Variants in SGCZ observed in about 807,000 individuals in gnomAD.
SGCZ encodes sarcoglycan zeta, also known as zeta-sarcoglycan.
In SGCZ, 40 loss-of-function variants were observed where a neutral mutation model predicts 41.3. The ratio of observed to expected loss-of-function variants is 0.97; its 90% CI spans 0.75 to 1.26. The LOEUF (loss-of-function observed/expected upper bound fraction) is 1.26. Among genes scored for constraint, SGCZ ranks in the 50% most tolerant of loss-of-function variants. The probability of loss-of-function intolerance (pLI) is 0.00; values close to 1 mark genes in which losing one functional copy is unlikely to be tolerated. For missense variants in SGCZ, 552 were observed against 369.8 expected, an observed-to-expected ratio of 1.49 and a Z score of -4.04; for synonymous variants, 206 against 137.5, an observed-to-expected ratio of 1.50 and a Z score of -3.49.
In SGCZ at chr8:14,210,195, A is replaced by T. The variant is rs374663363; in HGVS notation, c.424+27397T>A. Among the ~76,000 whole-genome samples, 13 of 151,756 alleles carry T rather than the reference A, an allele frequency of 8.6e-5. No homozygotes were observed. The East Asian group carries it at 2.5e-3, about 30-fold the overall frequency. ...GCCTCAGCCTCCCAAGTAGCTGGGAATACAGGTGCACACTACTACCGTCTA... is the reference window on the plus strand; with the variant it reads ...GCCTCAGCCTCCCAAGTAGCTGGGATTACAGGTGCACACTACTACCGTCTA... On this transcript the variant is annotated intron_variant, in intron 4 of 7. Transcript: ENST00000382080.
intron 2 of SGCZ, among the ~76,000 whole-genome samples, chr8:14,396,154 T>A (rs28570369): frequency 0.17 from 25,526 of 152,028 alleles, 5,081 homozygotes; most frequent in African/African-American, 0.48. Context: ...TAATACTCTT[T>A]AGATATGACT....
intron 1 of SGCZ, among the ~76,000 whole-genome samples, chr8:14,774,041 G>A (rs1282011256): frequency 6.6e-6 from 1 of 152,164 alleles, no homozygotes; most frequent in East Asian, 1.9e-4. Flanking sequence ...ATGCAGTCAA[G>A]CATTATTCCG....
At chr8:14,451,175 T>A (rs1039446479) in intron 2 of SGCZ, among the ~76,000 whole-genome samples, 8 of 152,204 alleles carry the variant, frequency 5.3e-5, no homozygotes, top group African/African-American at 1.9e-4. Context: ...CCTCTCTCTT[T>A]TCTGCTAACC....
chr8:14,161,229 T>G (rs2116976580), intron 5 of SGCZ: 1 of 152,344 alleles, frequency 6.6e-6, no homozygotes, highest in Non-Finnish European at 1.5e-5. Flanking sequence ...CTACGCACAT[T>G]TTTTTCCTCT....
intron 2 of SGCZ, among the ~76,000 whole-genome samples, chr8:14,552,428 T>C (rs1039735268): frequency 1.3e-5 from 2 of 152,064 alleles, no homozygotes; most frequent in East Asian, 1.9e-4. Context: ...TTCAGCTACA[T>C]GCAAATAGTT....
chr8:14,367,111 C>T (rs982854084), intron 2 of SGCZ, among the ~76,000 whole-genome samples: 21 of 151,966 alleles, frequency 1.4e-4, no homozygotes, highest in Admixed American at 1.2e-3. Context: ...CGCCAGATGC[C>T]CCAAATCATC....
At chr8:14,744,596 C>T (rs1799290510) in intron 1 of SGCZ, among the ~76,000 whole-genome samples, 1 of 151,976 alleles carries the variant, frequency 6.6e-6, no homozygotes, top group Admixed American at 6.6e-5. Flanking sequence ...ACTGGATCCA[C>T]GTAGAGGTGT....
At chr8:15,159,503 T>G (rs1799436743) in intron 1 of SGCZ, among the ~76,000 whole-genome samples, 1 of 152,092 alleles carries the variant, frequency 6.6e-6, no homozygotes, top group Non-Finnish European at 1.5e-5. Context: ...GCCCTCAACC[T>G]GTGGCATCTG....
At chr8:14,761,470 T>A (rs726906) in intron 1 of SGCZ, among the ~76,000 whole-genome samples, 1 of 151,470 alleles carries the variant, frequency 6.6e-6, no homozygotes, top group Non-Finnish European at 1.5e-5. Context: ...TTGATCTACC[T>A]GTAGACTCTC....
At chr8:14,135,194 C>T (rs927192550) in intron 5 of SGCZ, among the ~76,000 whole-genome samples, 1 of 152,022 alleles carries the variant, frequency 6.6e-6, no homozygotes, top group Non-Finnish European at 1.5e-5. Flanking sequence ...AGTGGGTATT[C>T]AGTAATTTTG....
At chr8:15,081,043 G>A (rs533816748) in intron 1 of SGCZ, among the ~76,000 whole-genome samples, 8 of 152,122 alleles carry the variant, frequency 5.3e-5, no homozygotes, top group South Asian at 2.1e-4. Flanking sequence ...CTTGATCTTC[G>A]ACCTCCAGCC....
chr8:14,493,359 C>CTTTTTTTTTTTTTTTTT lies in SGCZ; in HGVS notation c.234+61356_234+61372dup, dbSNP rs57898016. Among the ~76,000 whole-genome samples, 42 of 44,274 alleles carry CTTTTTTTTTTTTTTTTT rather than the reference C, an allele frequency of 9.5e-4. 8 individuals are homozygous for CTTTTTTTTTTTTTTTTT. Among genetic ancestry groups the CTTTTTTTTTTTTTTTTT allele is most frequent in the East Asian group, 1.9e-3 (2 of 1,048 alleles). 29.0% of individuals were successfully genotyped at this position (44,274 alleles called of 152,430 possible). Reference sequence around the variant, plus strand: ...CATACTTTTCCCACTATCATCCTTTCTTTTTTTTTTTTTTTTTTTTTTTTT... The same window carrying CTTTTTTTTTTTTTTTTT: ...CATACTTTTCCCACTATCATCCTTTCTTTTTTTTTTTTTTTTTTTTTTTTTTTTTTTTTTTTTTTTTT... On this transcript the variant is annotated intron_variant, in intron 2 of 7. Coordinates refer to ENST00000382080, the MANE Select transcript of SGCZ (RefSeq NM_139167.4).
intron 1 of SGCZ, among the ~76,000 whole-genome samples, chr8:14,756,092 G>A (rs894075976): frequency 7.2e-5 from 11 of 152,062 alleles, no homozygotes. Context: ...CTATTTAAAT[G>A]GTGGAAGCCA....
intron 3 of SGCZ, among the ~76,000 whole-genome samples, chr8:14,304,021 G>A (rs1801275078): frequency 1.3e-5 from 2 of 152,032 alleles, no homozygotes; most frequent in African/African-American, 2.4e-5. Flanking sequence ...CAAAGTGCTA[G>A]GATTGCAGGC....
At chr8:14,914,087 A>G (rs1799357321) in intron 1 of SGCZ, among the ~76,000 whole-genome samples, 1 of 152,042 alleles carries the variant, frequency 6.6e-6, no homozygotes, top group Admixed American at 6.6e-5. Flanking sequence ...CTTTTTTAAA[A>G]GGTGTGAGAG....
chr8:14,772,946 A>G (rs1800294946), intron 1 of SGCZ, among the ~76,000 whole-genome samples: 1 of 152,092 alleles, frequency 6.6e-6, no homozygotes, highest in Non-Finnish European at 1.5e-5. Context: ...TATACCCAGT[A>G]ATGGGATGGC....
chr8:14,395,711 T>G (rs536179211), intron 2 of SGCZ, among the ~76,000 whole-genome samples: 1 of 152,154 alleles, frequency 6.6e-6, no homozygotes, highest in African/African-American at 2.4e-5. Flanking sequence ...ATAACCTAGG[T>G]GGGCTACTTG....
At chr8:14,993,033 C>G (rs1398555174) in intron 1 of SGCZ, among the ~76,000 whole-genome samples, 1 of 152,006 alleles carries the variant, frequency 6.6e-6, no homozygotes, top group Non-Finnish European at 1.5e-5. Context: ...CTCATCCAAT[C>G]TACTCCCAAA....
At chr8:14,345,168 T>C (rs1291447364) in intron 2 of SGCZ, among the ~76,000 whole-genome samples, 1 of 152,010 alleles carries the variant, frequency 6.6e-6, no homozygotes, top group Admixed American at 6.6e-5. Context: ...ACCCGTAAAC[T>C]TATGAAAAGG....
Sources: gnomAD v4.1 joint callset for allele counts (sites outside exome capture counted in the v4.1 genomes callset) on GRCh38, gnomAD v4.1.1 for gene constraint, MANE v1.5 for transcripts, NCBI Gene and HGNC (gene_info 2026-07-23, HGNC 2026-07-21) for gene names.